Variants in PITPNA observed in about 807,000 individuals in gnomAD.
PITPNA encodes the protein phosphatidylinositol transfer protein alpha isoform.
In PITPNA, 13 loss-of-function variants were observed where a neutral mutation model predicts 50.3. The observed-to-expected ratio is 0.26, with a 90% confidence interval of 0.17 to 0.41. PITPNA has a LOEUF of 0.41. Ranked by LOEUF, PITPNA falls within the 10% of genes least tolerant of loss-of-function variation. PITPNA has a pLI of 1.00. For missense variants in PITPNA, 207 were observed against 333.4 expected, an observed-to-expected ratio of 0.62 and a Z score of 2.95; for synonymous variants, 120 against 119.6, an observed-to-expected ratio of 1.00 and a Z score of -0.02.
rs1312290667 is a variant in PITPNA at position 1,518,154 on chromosome 17, G to C, written c.*2407C>G. On this transcript the variant is annotated 3_prime_UTR_variant, in exon 12 of 12. Transcript: ENST00000313486. ...ACTAGGAACCAACCAAAGTAAGTCA[G>C]GGAGTCCCAGCAGGGACTGTAAAAG... is the stretch of plus-strand genomic sequence containing the variant. The C allele has an allele frequency of 6.6e-6, 1 of 152,512 alleles. No individual in the cohort carries two copies. The highest frequency in any genetic ancestry group is 1.5e-5 in the Non-Finnish European group (1 of 68,034). The allele number at this position is 152,512 out of a possible 1,614,324, so 9.4% of individuals were successfully genotyped here.
chr17:1,528,551 A>T (rs753173262), intron 10 of PITPNA, among the ~76,000 whole-genome samples: 7 of 151,990 alleles, frequency 4.6e-5, no homozygotes, highest in Non-Finnish European at 8.8e-5. Flanking sequence ...ATTCAAGACC[A>T]GCCTGAGCAA....
At chr17:1,553,500 C>A (rs528573451) in intron 2 of PITPNA, among the ~76,000 whole-genome samples, 8 of 152,090 alleles carry the variant, frequency 5.3e-5, no homozygotes, top group African/African-American at 1.2e-4. Flanking sequence ...CCTTGGCCTG[C>A]CAAAGTGCTG....
At position 1,562,706 on chromosome 17, in the gene PITPNA, C is replaced by A; in HGVS notation, c.-146G>T. Reference sequence around the variant, plus strand: ...CCGTCCCCGCCGCCCTCGCCGCGGTCGCCGCGCCGGCTCCTGCCGCCCGGG... The same window carrying A: ...CCGTCCCCGCCGCCCTCGCCGCGGTAGCCGCGCCGGCTCCTGCCGCCCGGG... On this transcript the variant is annotated 5_prime_UTR_variant, in exon 1 of 12. Transcript: ENST00000313486. This position sits in a 1 kb window ranked among gnomAD's most constrained non-coding sequence, Gnocchi z 6.4. The A allele has an allele frequency of 7.2e-6, 3 of 417,446 alleles. No homozygotes were observed. In the South Asian group the frequency reaches 2.8e-4, roughly 40 times the overall value. The allele number at this position is 417,446 out of a possible 1,614,324, so 25.9% of individuals were successfully genotyped here. A position where few individuals can be genotyped will look rare whatever the true frequency, so the allele number is the denominator to read the frequency against.
At chr17:1,556,327 T>G (rs931013823) in intron 2 of PITPNA, among the ~76,000 whole-genome samples, 1 of 152,176 alleles carries the variant, frequency 6.6e-6, no homozygotes, top group African/African-American at 2.4e-5. Flanking sequence ...AGCTTCTGCT[T>G]AGACTTCAGG....
At chr17:1,552,410 G>A (rs2075714227) in intron 3 of PITPNA, among the ~76,000 whole-genome samples, 1 of 152,042 alleles carries the variant, frequency 6.6e-6, no homozygotes, top group African/African-American at 2.4e-5. Context: ...TTTTCGTTAG[G>A]GATTTAGCAA....
intron 6 of PITPNA, among the ~76,000 whole-genome samples, chr17:1,539,721 C>G (rs150657809): frequency 0.073 from 11,162 of 152,294 alleles, 646 homozygotes; most frequent in South Asian, 0.28. Flanking sequence ...TATAGGTGCA[C>G]AACACTGAAC....
At chr17:1,528,587 A>C (rs1215698715) in intron 10 of PITPNA, among the ~76,000 whole-genome samples, 1 of 152,088 alleles carries the variant, frequency 6.6e-6, no homozygotes, top group Non-Finnish European at 1.5e-5. Flanking sequence ...TCTCTAAAAA[A>C]ATTAGTCAGG....
At chr17:1,557,005 C>T (rs1379830427) in intron 2 of PITPNA, among the ~76,000 whole-genome samples, 38 of 152,146 alleles carry the variant, frequency 2.5e-4, no homozygotes, top group Admixed American at 2.4e-3. Context: ...CAAGACCCTT[C>T]CAAGCCAACA....
intron 2 of PITPNA, among the ~76,000 whole-genome samples, chr17:1,553,807 C>G (rs375122605): frequency 3.7e-4 from 56 of 152,308 alleles, no homozygotes; most frequent in African/African-American, 1.3e-3. Flanking sequence ...CGCTTCTTCT[C>G]TAGTCTTAGG....
chr17:1,524,051 T>C (rs1186858401), intron 10 of PITPNA, among the ~76,000 whole-genome samples: 1 of 148,924 alleles, frequency 6.7e-6, no homozygotes. Flanking sequence ...TTTTCTTTTT[T>C]TTTTTTTTTT....
At position 1,558,538 on chromosome 17, in the gene PITPNA, A is replaced by G. The variant is rs1436337090; in HGVS notation, c.42T>C (p.Ser14=). The change falls in exon 2 of 12, where the codon TCT becomes TCC. Residue 14 remains serine (S), a synonymous_variant. Transcript: ENST00000313486. ...AAGTAAAAGGACTTACCTCATCTACAGACACAGGCAGGATTACTCGACTAT... is the reference window on the plus strand; with the variant it reads ...AAGTAAAAGGACTTACCTCATCTACGGACACAGGCAGGATTACTCGACTAT... ...LKEYRVILPV[S]VDEYQVGQLY... 1.2e-6 allele frequency: 2 copies of G among 1,604,508 alleles called. No individual in the cohort carries two copies. Among genetic ancestry groups the G allele is most frequent in the Admixed American group, 1.7e-5 (1 of 59,810 alleles).
chr17:1,534,068 CTAAT>C (rs1374213121), intron 10 of PITPNA, 27 bp downstream of exon 10: 10 of 1,612,830 alleles, frequency 6.2e-6, no homozygotes, highest in Non-Finnish European at 8.5e-6. Flanking sequence ...GTTTGTTTAT[CTAAT>C]TGAGAGCCCC....
At chr17:1,549,834 C>T (rs2075699009) in intron 3 of PITPNA, among the ~76,000 whole-genome samples, 1 of 145,838 alleles carries the variant, frequency 6.9e-6, no homozygotes, top group South Asian at 2.1e-4. Context: ...GCCACCACGC[C>T]CAGCTAATTT....
chr17:1,536,894 ATTTTTT>A (rs35841957), intron 7 of PITPNA, among the ~76,000 whole-genome samples: 5 of 98,306 alleles, frequency 5.1e-5, no homozygotes, highest in African/African-American at 1.6e-4. Context: ...TGTCCGGCCG[ATTTTTT>A]TTTTTTTTTT....
At chr17:1,544,337 C>G (rs142239577) in intron 4 of PITPNA, among the ~76,000 whole-genome samples, 49 of 152,338 alleles carry the variant, frequency 3.2e-4, no homozygotes, top group Middle Eastern at 3.4e-3. Context: ...AGTGTAACTT[C>G]ATAGACTGGC....
intron 6 of PITPNA, 54 bp from the exon 7 acceptor site, chr17:1,539,006 C>T (rs2075633760): frequency 8.1e-7 from 1 of 1,227,890 alleles, no homozygotes; most frequent in East Asian, 2.3e-5. Flanking sequence ...ATAAAATATC[C>T]TTTAGCCAGA....
intron 5 of PITPNA, 27 bp from the exon 6 acceptor site, chr17:1,541,667 AAGTCACTAGGTTCAC>A: frequency 6.9e-7 from 1 of 1,448,948 alleles, no homozygotes; most frequent in Non-Finnish European, 9.7e-7. Flanking sequence ...AAATACATGA[AAGTCACTAGGTTCAC>A]AGTTGAGAGT....
intron 9 of PITPNA, among the ~76,000 whole-genome samples, chr17:1,534,820 G>A (rs1012933387): frequency 2.0e-5 from 3 of 152,188 alleles, no homozygotes; most frequent in Admixed American, 1.3e-4. Flanking sequence ...GTCACATGTG[G>A]TGTCCCTGGA....
chr17:1,546,532 G>A (rs2075675085), intron 4 of PITPNA, among the ~76,000 whole-genome samples: 1 of 152,174 alleles, frequency 6.6e-6, no homozygotes, highest in Admixed American at 6.5e-5. Flanking sequence ...GGGAGTACCA[G>A]GTGCCAACAA....
Sources: allele counts gnomAD v4.1 joint callset (sites outside exome capture counted in the v4.1 genomes callset), GRCh38; gene constraint gnomAD v4.1.1; non-coding constraint Gnocchi (gnomAD v3.1); transcripts MANE v1.5; gene names NCBI Gene and HGNC (gene_info 2026-07-23, HGNC 2026-07-21).